DMBT1: variants seen among roughly 807,000 people sequenced by gnomAD.
DMBT1 encodes the protein scavenger receptor cysteine-rich domain-containing protein DMBT1.
A neutral mutation model predicts 252.9 loss-of-function variants in DMBT1; 198 were observed. The observed-to-expected ratio is 0.78, with a 90% CI of 0.70 to 0.88. DMBT1 has a LOEUF of 0.88. Among genes scored for constraint, DMBT1 ranks in the 40% least tolerant of loss-of-function variants. DMBT1 has a pLI of 0.00. For missense variants in DMBT1, 2,432 were observed against 2,404.7 expected, an observed-to-expected ratio of 1.01 and a Z score of -0.24; for synonymous variants, 990 against 942.7, an observed-to-expected ratio of 1.05 and a Z score of -0.92.
At chr10:122,628,677 A>G (rs1591535733) in intron 46 of DMBT1, among the ~76,000 whole-genome samples, 1 of 152,240 alleles carries the variant, frequency 6.6e-6, no homozygotes, top group Non-Finnish European at 1.5e-5. Context: ...ATATTGATTT[A>G]TGCTACAACA....
At chr10:122,588,853 G>T in intron 16 of DMBT1, 91 bp from the exon 17 acceptor site, 1 of 1,564,154 alleles carries the variant, frequency 6.4e-7, no homozygotes, top group Non-Finnish European at 8.7e-7. Flanking sequence ...AGGTGACTTT[G>T]GCCATTAGGA....
At chr10:122,633,054 C>T in intron 51 of DMBT1, 137 bp from the exon 52 acceptor site, 4 of 1,489,648 alleles carry the variant, frequency 2.7e-6, no homozygotes, top group South Asian at 1.3e-5. Flanking sequence ...ATCTAGGCCA[C>T]CTCTTGCTCT....
rs1242192611 is a variant in DMBT1, at chr10:122,621,103, G to A, written c.5331G>A (p.Arg1777=). The A allele has an allele frequency of 3.7e-6, 6 of 1,613,528 alleles. No individual in the cohort carries two copies. In the African/African-American group the frequency reaches 4.0e-5, roughly 11 times the overall value. Residue 1777 remains arginine (R), a synonymous_variant, in exon 44 of 56, where the codon AGG becomes AGA. Transcript: ENST00000338354. The part of the protein sequence containing the change: ...LALRLVNGGD[R]CRGRVEVLYR... Reference sequence around the variant, plus strand: ...TGAGGCTGGTGAATGGAGGTGACAGGTGTCGAGGCCGAGTGGAGGTCCTGT... The same window carrying A: ...TGAGGCTGGTGAATGGAGGTGACAGATGTCGAGGCCGAGTGGAGGTCCTGT...
At chr10:122,624,388 G>T (rs925738546) in intron 44 of DMBT1, among the ~76,000 whole-genome samples, 6 of 152,170 alleles carry the variant, frequency 3.9e-5, no homozygotes, top group African/African-American at 1.4e-4. Flanking sequence ...TGAAGAACAG[G>T]CTTCCGTCAA....
chr10:122,585,009 C>A (rs1323241307), intron 14 of DMBT1, among the ~76,000 whole-genome samples: 1 of 148,856 alleles, frequency 6.7e-6, no homozygotes, highest in Non-Finnish European at 1.5e-5. Context: ...TGTGTCAGTG[C>A]ATGGAACAGG....
intron 16 of DMBT1, among the ~76,000 whole-genome samples, chr10:122,586,856 G>A (rs573580353): frequency 4.7e-5 from 7 of 148,350 alleles, no homozygotes; most frequent in East Asian, 2.1e-4. Context: ...GTCACATGGC[G>A]AGGGATGAAG....
At chr10:122,635,852 A>C in intron 52 of DMBT1, 139 bp from the exon 53 acceptor site, 4 of 878,860 alleles carry the variant, frequency 4.6e-6, no homozygotes, top group Non-Finnish European at 7.1e-6. Flanking sequence ...TACTGCGCCC[A>C]GCCAAGGAGA....
At chr10:122,632,722 G>A in intron 50 of DMBT1, 139 bp from the exon 51 acceptor site, 1 of 1,078,670 alleles carries the variant, frequency 9.3e-7, no homozygotes. Context: ...AGGCAAGTGA[G>A]CTCCCCAAGG....
At chr10:122,563,503 C>T (rs1186882434) in intron 1 of DMBT1, among the ~76,000 whole-genome samples, 2 of 151,656 alleles carry the variant, frequency 1.3e-5, no homozygotes, top group Non-Finnish European at 2.9e-5. Flanking sequence ...ATGAGAATCA[C>T]TTGAACTCAG....
Position 122,631,849 on chromosome 10 carries a change from T to TA in DMBT1, c.6347-6_6347-5insA. 2 of 1,613,902 alleles carry TA rather than the reference T, an allele frequency of 1.2e-6. No individual in the cohort carries two copies. Among genetic ancestry groups the TA allele is most frequent in the Non-Finnish European group, 1.7e-6 (2 of 1,179,840 alleles). ...GACCTATGCTTTTTTTCTATTCCTT[T>TA]TTCAGGAAACCATCTATCGACACCT... On this transcript the variant is annotated splice_polypyrimidine_tract_variant and splice_region_variant and intron_variant, in intron 49 of 55. Transcript: ENST00000338354.
chr10:122,632,836 C>T, intron 50 of DMBT1, 25 bp from the exon 51 acceptor site: 5 of 1,613,044 alleles, frequency 3.1e-6, no homozygotes, highest in Non-Finnish European at 4.2e-6. Flanking sequence ...GAAAACTGAT[C>T]CTGATCTTTT....
intron 19 of DMBT1, among the ~76,000 whole-genome samples, 164 bp from the exon 20 acceptor site, chr10:122,592,108 C>T (rs2097854008): frequency 6.7e-6 from 1 of 148,568 alleles, no homozygotes; most frequent in Non-Finnish European, 1.5e-5. Flanking sequence ...GGTATCACCT[C>T]TCCTTCCAGT....
chr10:122,590,874 G>T lies in DMBT1; in HGVS notation c.2137+180G>T, dbSNP rs566571584. On this transcript the variant is annotated intron_variant, in intron 18 of 55. Coordinates refer to ENST00000338354, the MANE Select transcript of DMBT1 (RefSeq NM_001377530.1). ...TAACCAGACATGGTTAAGAAGGTAT[G>T]ATCTTTCTAAGAATTGAGAGTGATT... is the stretch of plus-strand genomic sequence containing the variant. Among the ~76,000 whole-genome samples the T allele has an allele frequency of 3.6e-4, 53 of 148,408 alleles. 4 individuals are homozygous for T. The highest frequency in any genetic ancestry group is 1.2e-3 in the African/African-American group (48 of 41,178).
At chr10:122,581,558 G>A (rs1459162367) in intron 11 of DMBT1, among the ~76,000 whole-genome samples, 1 of 144,578 alleles carries the variant, frequency 6.9e-6, no homozygotes, top group Non-Finnish European at 1.5e-5. Context: ...TCCTCTAACA[G>A]ATAGAAAGAT....
At chr10:122,567,579 C>T (rs976611977) in intron 2 of DMBT1, among the ~76,000 whole-genome samples, 2 of 152,198 alleles carry the variant, frequency 1.3e-5, no homozygotes, top group Non-Finnish European at 2.9e-5. Flanking sequence ...TAATCTCAAA[C>T]TCACCATTGA....
Position 122,625,376 on chromosome 10 carries a change from A to G in DMBT1, c.5635+73A>G. On this transcript the variant is annotated intron_variant, in intron 45 of 55. Coordinates refer to ENST00000338354, the MANE Select transcript of DMBT1 (RefSeq NM_001377530.1). ...ACCCTCTCTTGTTTCCAGAAGTAGG[A>G]GGAGTAGGGTAGACTCCCCCTGGGG... The G allele has an allele frequency of 3.4e-6, 5 of 1,449,394 alleles. No homozygotes were observed. In the African/African-American group the frequency reaches 5.6e-5, roughly 16 times the overall value. 89.8% of individuals were successfully genotyped at this position (1,449,394 alleles called of 1,614,324 possible). A position where few individuals can be genotyped will look rare whatever the true frequency, so the allele number is the denominator to read the frequency against.
chr10:122,618,143 A>C lies in DMBT1; in HGVS notation c.5018A>C (p.Asn1673Thr). 6.2e-7 allele frequency: 1 copy of C among 1,613,994 alleles called. No individual in the cohort carries two copies. Among genetic ancestry groups the C allele is most frequent in the Non-Finnish European group, 8.5e-7 (1 of 1,179,894 alleles). The change falls in exon 41 of 56, where the codon AAC becomes ACC. Residue 1673 changes from asparagine to threonine, a missense_variant. This residue lies in a region of DMBT1 where 1,162 missense variants were observed against 1,169.0 expected (regional missense o/e 0.99). Transcript: ENST00000338354. ...CDDYWDTNDA[N>T]VVCRQLGCGW... ...GACTACTGGGACACCAATGATGCCA[A>C]CGTGGTCTGCAGGCAGCTGGGCTGT...
Position 122,617,337 on chromosome 10 carries a change from C to G in DMBT1, c.4891+77C>G, listed in dbSNP as rs2097998676. On this transcript the variant is annotated intron_variant, in intron 40 of 55. Coordinates refer to ENST00000338354, the MANE Select transcript of DMBT1 (RefSeq NM_001377530.1). The stretch of plus-strand genomic sequence containing the variant: ...TGTGTTTGAAACTGATAGGATGAGG[C>G]TCAAGGTGGGCCCCTCTCTTTTCAT... 7 of 1,521,822 alleles carry G rather than the reference C, an allele frequency of 4.6e-6. No homozygotes were observed. The South Asian group carries it at 7.9e-5, about 17-fold the overall frequency. 94.3% of individuals were successfully genotyped at this position (1,521,822 alleles called of 1,614,324 possible).
chr10:122,592,613 T>C lies in DMBT1; in HGVS notation c.2500+18T>C, dbSNP rs1335696574. On this transcript the variant is annotated intron_variant, in intron 20 of 55. Transcript: ENST00000338354. The stretch of plus-strand genomic sequence containing the variant: ...CTGCTCAGGTGGGCCTCCAAGACCT[T>C]GGGCTCCCTCTCCTAGACTGGAGTT... The C allele has an allele frequency of 6.3e-7, 1 of 1,588,238 alleles. No homozygotes were observed. The highest frequency in any genetic ancestry group is 1.3e-5 in the African/African-American group (1 of 74,564).
Sources: gnomAD v4.1 joint callset for allele counts (sites outside exome capture counted in the v4.1 genomes callset) on GRCh38, gnomAD v4.1.1 for gene constraint, gnomAD v4.1.1 regional missense constraint, MANE v1.5 for transcripts, NCBI Gene and HGNC (gene_info 2026-07-23, HGNC 2026-07-21) for gene names.